The following DNAI7 variants were observed in gnomAD, a reference collection of about 807,000 sequenced individuals.
The protein encoded by DNAI7 is dynein axonemal intermediate chain 7, also known as cancer susceptibility 1.
DNAI7 carries 78 observed loss-of-function variants against 86.6 expected under a neutral mutation model. The observed-to-expected ratio is 0.90, with a 90% CI of 0.75 to 1.09. The LOEUF is 1.09. DNAI7 is among the 50% of genes least tolerant of loss of function. The pLI is 0.00. For synonymous variants in DNAI7, 274 were observed against 273.0 expected (o/e 1.00, Z -0.04); for missense variants, 753 against 810.2 (o/e 0.93, Z 0.86).
chr12:25,148,403 C>A (rs1343056192), intron 7 of DNAI7, among the ~76,000 whole-genome samples: 1 of 152,170 alleles, frequency 6.6e-6, no homozygotes, highest in Non-Finnish European at 1.5e-5. Context: ...AAGGTGCTGA[C>A]CACCAAATCT....
At chr12:25,131,329 TCACA>T (rs1225241963) in intron 9 of DNAI7, among the ~76,000 whole-genome samples, 2 of 152,204 alleles carry the variant, frequency 1.3e-5, no homozygotes, top group Non-Finnish European at 2.9e-5. Flanking sequence ...ATACATTTTG[TCACA>T]CACACAAATT....
At chr12:25,116,461 G>C (rs1940121756) in intron 12 of DNAI7, among the ~76,000 whole-genome samples, 1 of 151,954 alleles carries the variant, frequency 6.6e-6, no homozygotes, top group African/African-American at 2.4e-5. Context: ...TTATTCCCCT[G>C]AATTGTGTGG....
rs1258884515 is a variant in DNAI7, at chr12:25,108,712, A to G, written c.2005T>C (p.Ser669Pro). The change falls in exon 16 of 16, where the codon TCT becomes CCT. Residue 669 changes from serine to proline, a missense_variant. Physicochemically the swap from Ser to Pro is moderately conservative, Grantham distance 74 (BLOSUM62 -1). Coordinates refer to ENST00000395987, the MANE Select transcript of DNAI7 (RefSeq NM_018272.5). ...LKIKEESEAF[S>P]EALKEETEFH... is the part of the protein sequence containing the mutation. ...TCAGTTTCTTCTTTAAGTGCTTCAG[A>G]AAATGCCTCACTCTCTTCCTTGATC... The G allele has an allele frequency of 1.2e-6, 2 of 1,612,564 alleles. No homozygotes were observed. The highest frequency in any genetic ancestry group is 1.7e-6 in the Non-Finnish European group (2 of 1,179,662).
At chr12:25,132,685 C>A (rs185783886) in intron 9 of DNAI7, among the ~76,000 whole-genome samples, 38 of 150,518 alleles carry the variant, frequency 2.5e-4, no homozygotes, top group Non-Finnish European at 5.0e-4. Context: ...ATTTACACTT[C>A]TAATAACGGT....
At chr12:25,183,245 G>A (rs1044805001) in intron 2 of DNAI7, among the ~76,000 whole-genome samples, 15 of 151,826 alleles carry the variant, frequency 9.9e-5, no homozygotes, top group Admixed American at 8.5e-4. Context: ...GGGAGGGAGC[G>A]GGGACAAGGG....
At chr12:25,126,900 T>C (rs78904792) in intron 9 of DNAI7, among the ~76,000 whole-genome samples, 8,954 of 152,278 alleles carry the variant, frequency 0.059, 361 homozygotes, top group Non-Finnish European at 0.089. Flanking sequence ...GCTTCTTATC[T>C]TGCAGGAACA....
chr12:25,108,839 A>AAAAAAAAAAAAAAAAAAAAAAAAAAAAAC lies in DNAI7; in HGVS notation c.1894-17_1894-16insGTTTTTTTTTTTTTTTTTTTTTTTTTTTT. 3 of 1,112,048 alleles carry AAAAAAAAAAAAAAAAAAAAAAAAAAAAAC rather than the reference A, an allele frequency of 2.7e-6. No individual in the cohort carries two copies. The highest frequency in any genetic ancestry group is 3.0e-5 in the Admixed American group (1 of 33,686). 68.9% of individuals were successfully genotyped at this position (1,112,048 alleles called of 1,614,324 possible). A position where few individuals can be genotyped will look rare whatever the true frequency, so the allele number is the denominator to read the frequency against. ...GTTCCCTCACCTAAAAAAAAAAAAA[A>AAAAAAAAAAAAAAAAAAAAAAAAAAAAAC]TTCAAGCAAGTTGTTAATAATTCCT... On this transcript the variant is annotated splice_polypyrimidine_tract_variant and intron_variant, in intron 15 of 15. Coordinates refer to ENST00000395987, the MANE Select transcript of DNAI7 (RefSeq NM_018272.5).
Position 25,174,542 on chromosome 12 carries a change from T to TATATATCATATATATGGG in DNAI7, c.22-13346_22-13345insCCCATATATATGATATAT, listed in dbSNP as rs1948673164. ...TATCATATATATCATATATATGGGA[T>TATATATCATATATATGGG]ATATATATGATATATATATCATATA... On this transcript the variant is annotated intron_variant, in intron 2 of 15. Transcript: ENST00000395987. 5.3e-5 allele frequency among the ~76,000 whole-genome samples: 4 copies of TATATATCATATATATGGG among 75,940 alleles called. 1 individual carries two copies. Among genetic ancestry groups the TATATATCATATATATGGG allele is most frequent in the African/African-American group, 2.1e-4 (4 of 19,204 alleles). 49.8% of individuals were successfully genotyped at this position (75,940 alleles called of 152,430 possible). A position where few individuals can be genotyped will look rare whatever the true frequency, so the allele number is the denominator to read the frequency against.
chr12:25,142,259 C>T (rs987902609), intron 9 of DNAI7, among the ~76,000 whole-genome samples: 2 of 152,010 alleles, frequency 1.3e-5, no homozygotes, highest in South Asian at 2.1e-4. Flanking sequence ...GAAAACCAAA[C>T]ATCACATATT....
chr12:25,115,405 T>C (rs1463192857), intron 12 of DNAI7, among the ~76,000 whole-genome samples: 1 of 152,218 alleles, frequency 6.6e-6, no homozygotes, highest in East Asian at 1.9e-4. Context: ...CATTTACAGT[T>C]AATTCCCATT....
chr12:25,111,222 T>C (rs1938750958), intron 14 of DNAI7, among the ~76,000 whole-genome samples: 1 of 152,232 alleles, frequency 6.6e-6, no homozygotes, highest in Non-Finnish European at 1.5e-5. Context: ...TCTAGGACTA[T>C]GCTAGATGCT....
At chr12:25,133,814 TC>T (rs915078902) in intron 9 of DNAI7, among the ~76,000 whole-genome samples, 6 of 152,190 alleles carry the variant, frequency 3.9e-5, no homozygotes, top group Non-Finnish European at 8.8e-5. Context: ...CCTGTCCCTT[TC>T]TAAATCCCAT....
At chr12:25,187,605 T>G (rs1053971037) in intron 2 of DNAI7, among the ~76,000 whole-genome samples, 1 of 152,146 alleles carries the variant, frequency 6.6e-6, no homozygotes, top group African/African-American at 2.4e-5. Context: ...TATATAAGGA[T>G]CTTCATTCCT....
rs56246815 is a variant in DNAI7 at position 25,187,422 on chromosome 12, A to G, written c.21+3192T>C. The stretch of plus-strand genomic sequence containing the variant: ...ATTTTTTCATGACCTCTTAGTTTCT[A>G]TGTATTAAAAGCTACCTGAAATTAT... On this transcript the variant is annotated intron_variant, in intron 2 of 15. Coordinates refer to ENST00000395987, the MANE Select transcript of DNAI7 (RefSeq NM_018272.5). Among the ~76,000 whole-genome samples, 535 of 152,214 alleles carry G rather than the reference A, an allele frequency of 3.5e-3. 8 individuals are homozygous for G. The highest frequency in any genetic ancestry group is 0.012 in the African/African-American group (516 of 41,528).
chr12:25,186,603 C>G (rs947670949), intron 2 of DNAI7, among the ~76,000 whole-genome samples: 1 of 152,122 alleles, frequency 6.6e-6, no homozygotes, highest in Admixed American at 6.5e-5. Flanking sequence ...CAGACAAAAA[C>G]AGGAAGTCCT....
intron 11 of DNAI7, 78 bp from the exon 12 acceptor site, chr12:25,119,379 T>A (rs779149018): frequency 6.1e-6 from 5 of 823,190 alleles, no homozygotes; most frequent in Admixed American, 2.6e-5. Flanking sequence ...GAATAAGTTA[T>A]ATAGTTATTT....
chr12:25,165,860 T>A (rs1947401899), intron 2 of DNAI7, among the ~76,000 whole-genome samples: 1 of 152,214 alleles, frequency 6.6e-6, no homozygotes, highest in African/African-American at 2.4e-5. Context: ...AGTACTCTTT[T>A]AAGCACTCCT....
intron 2 of DNAI7, among the ~76,000 whole-genome samples, chr12:25,183,031 A>G (rs1242453305): frequency 6.6e-6 from 1 of 152,038 alleles, no homozygotes; most frequent in Non-Finnish European, 1.5e-5. Flanking sequence ...AAAATGAGGT[A>G]CATATACATC....
chr12:25,141,701 G>C (rs1176143938), intron 9 of DNAI7, among the ~76,000 whole-genome samples: 2 of 152,110 alleles, frequency 1.3e-5, no homozygotes, highest in Non-Finnish European at 2.9e-5. Flanking sequence ...GTGGTGGCAC[G>C]TGCCGGCAAT....
Sources: allele counts gnomAD v4.1 joint callset (sites outside exome capture counted in the v4.1 genomes callset), GRCh38; gene constraint gnomAD v4.1.1; transcripts MANE v1.5; gene names NCBI Gene and HGNC (gene_info 2026-07-23, HGNC 2026-07-21).